Variants in FOXO1 observed in about 807,000 individuals in gnomAD.
FOXO1 encodes the protein forkhead box protein O1.
In FOXO1, 6 loss-of-function variants were observed where a neutral mutation model predicts 44.1. The ratio of observed to expected loss-of-function variants is 0.14; its 90% CI spans 0.07 to 0.27. The LOEUF is 0.27. Among genes scored for constraint, FOXO1 ranks in the 10% least tolerant of loss-of-function variants. The pLI is 1.00. For missense variants in FOXO1, 737 were observed against 888.8 expected, an observed-to-expected ratio of 0.83 and a Z score of 2.17; for synonymous variants, 380 against 362.7, an observed-to-expected ratio of 1.05 and a Z score of -0.54.
chr13:40,630,592 T>C (rs1593407348), intron 1 of FOXO1, among the ~76,000 whole-genome samples: 1 of 150,866 alleles, frequency 6.6e-6, no homozygotes. Flanking sequence ...GAGGTGGAGG[T>C]TGGGGTGGGC....
At position 40,560,070 on chromosome 13, in the gene FOXO1, T is replaced by C; in HGVS notation, c.1421A>G (p.Asn474Ser). 1.2e-6 allele frequency: 2 copies of C among 1,614,120 alleles called. No homozygotes were observed. The highest frequency in any genetic ancestry group is 1.7e-6 in the Non-Finnish European group (2 of 1,180,020). Residue 474 changes from asparagine (N) to serine (S), a missense_variant, in exon 2 of 3, where the codon AAT (asparagine) becomes AGT (serine). Asn to Ser is a conservative substitution (Grantham distance 46, BLOSUM62 1). This residue lies in a region of FOXO1 where 283 missense variants were observed against 278.1 expected (regional missense o/e 1.02). Coordinates refer to ENST00000379561, the MANE Select transcript of FOXO1 (RefSeq NM_002015.4). The surrounding 1 kb of genome is among the most constrained non-coding windows in gnomAD (Gnocchi z 5.1). ...AGGATCAACTGGTGTCATAATGTCA[T>C]TATGGGGAGGAGAGTCAGAAGTCAG... ...ELLTSDSPPHNDIMTPVDPGV... is the reference protein window; with the variant it reads ...ELLTSDSPPHSDIMTPVDPGV...
chr13:40,574,728 C>T (rs1874678408), intron 1 of FOXO1, among the ~76,000 whole-genome samples: 1 of 152,036 alleles, frequency 6.6e-6, no homozygotes, highest in South Asian at 2.1e-4. Flanking sequence ...TAGCTAAATT[C>T]TGACAGCCTA....
intron 1 of FOXO1, among the ~76,000 whole-genome samples, chr13:40,562,501 C>T (rs1874074828): frequency 6.6e-6 from 1 of 152,174 alleles, no homozygotes; most frequent in Non-Finnish European, 1.5e-5. Context: ...AGAGCCTTAT[C>T]AGGGTTGTTA....
chr13:40,601,660 C>A (rs1459472068), intron 1 of FOXO1, among the ~76,000 whole-genome samples: 1 of 152,160 alleles, frequency 6.6e-6, no homozygotes, highest in Non-Finnish European at 1.5e-5. Flanking sequence ...TGTTAAAATT[C>A]TCAGTGATTA....
At chr13:40,610,147 C>T (rs951857648) in intron 1 of FOXO1, among the ~76,000 whole-genome samples, 48 of 152,278 alleles carry the variant, frequency 3.2e-4, no homozygotes, top group African/African-American at 1.1e-3. Context: ...CTGCCACACC[C>T]TCACTCCTCA....
Position 40,557,224 on chromosome 13 carries a change from G to T in FOXO1, c.*1825C>A, listed in dbSNP as rs1223347940. On this transcript the variant is annotated 3_prime_UTR_variant, in exon 3 of 3. Transcript: ENST00000379561. ...TAGATCCTTCTCAAGAACACAAGAG[G>T]AACAGTGCTGTGCACCTGTTCTCTT... 1 of 152,218 alleles carries T rather than the reference G, an allele frequency of 6.6e-6. No individual in the cohort carries two copies. The highest frequency in any genetic ancestry group is 1.5e-5 in the Non-Finnish European group (1 of 68,050). The allele number at this position is 152,218 out of a possible 1,614,324, so 9.4% of individuals were successfully genotyped here. A position where few individuals can be genotyped will look rare whatever the true frequency, so the allele number is the denominator to read the frequency against.
rs924772599 is a variant in FOXO1, at chr13:40,660,990, A to C, written c.630+4593T>G. Among the ~76,000 whole-genome samples, 8 of 147,884 alleles carry C rather than the reference A, an allele frequency of 5.4e-5. No homozygotes were observed. In the South Asian group the frequency reaches 1.5e-3, roughly 28 times the overall value. Reference sequence around the variant, plus strand: ...ACAACAACAACAACAACAACAACAAAAATGAGAATCATTCAAAAAGAGGCC... The same window carrying C: ...ACAACAACAACAACAACAACAACAACAATGAGAATCATTCAAAAAGAGGCC... On this transcript the variant is annotated intron_variant, in intron 1 of 2. Coordinates refer to ENST00000379561, the MANE Select transcript of FOXO1 (RefSeq NM_002015.4).
chr13:40,651,080 T>C (rs1035646420), intron 1 of FOXO1, among the ~76,000 whole-genome samples: 1 of 129,412 alleles, frequency 7.7e-6, no homozygotes, highest in Non-Finnish European at 1.6e-5. Flanking sequence ...GCCTAGTTTT[T>C]TTGGTTTTTT....
intron 1 of FOXO1, among the ~76,000 whole-genome samples, chr13:40,661,439 G>A (rs910093447): frequency 6.6e-6 from 1 of 151,944 alleles, no homozygotes; most frequent in Non-Finnish European, 1.5e-5. Flanking sequence ...TGGGACTACA[G>A]GCACCTGCCA....
chr13:40,653,214 G>A (rs1019344228), intron 1 of FOXO1, among the ~76,000 whole-genome samples: 5 of 152,004 alleles, frequency 3.3e-5, no homozygotes, highest in African/African-American at 7.2e-5. Flanking sequence ...TGATCCACCC[G>A]CTTCAGCCTC....
chr13:40,640,805 C>CA (rs1593411099), intron 1 of FOXO1, among the ~76,000 whole-genome samples: 2 of 146,438 alleles, frequency 1.4e-5, no homozygotes, highest in African/African-American at 5.3e-5. Context: ...TTGTTTGAGA[C>CA]AGAGTTTTTG....
intron 1 of FOXO1, chr13:40,620,460 C>G (rs1381605467): frequency 1.6e-6 from 1 of 621,446 alleles, no homozygotes; most frequent in Non-Finnish European, 2.9e-6. Context: ...AGTGGCTCTT[C>G]GGTCAATCTT....
intron 1 of FOXO1, among the ~76,000 whole-genome samples, chr13:40,663,540 A>G (rs1878115490): frequency 6.6e-6 from 1 of 152,158 alleles, no homozygotes; most frequent in East Asian, 1.9e-4. Flanking sequence ...TTTTTTTTAA[A>G]TGGCTAATAC....
intron 1 of FOXO1, among the ~76,000 whole-genome samples, chr13:40,629,409 T>C (rs1032557701): frequency 6.6e-6 from 1 of 152,282 alleles, no homozygotes; most frequent in Non-Finnish European, 1.5e-5. Flanking sequence ...CCCAAGGTGC[T>C]GGGATTACAG....
intron 1 of FOXO1, among the ~76,000 whole-genome samples, chr13:40,561,339 G>A (rs1593378214): frequency 2.7e-5 from 3 of 109,704 alleles, no homozygotes. Flanking sequence ...GAGACAGAGT[G>A]AGACTCGATC....
At chr13:40,630,969 A>G (rs576944084) in intron 1 of FOXO1, among the ~76,000 whole-genome samples, 10 of 152,298 alleles carry the variant, frequency 6.6e-5, no homozygotes, top group Non-Finnish European at 8.8e-5. Context: ...GAGGCTTACT[A>G]AAGTTAGGGG....
Position 40,665,955 on chromosome 13 carries a change from C to A in FOXO1, c.258G>T (p.Ala86=), listed in dbSNP as rs933487619. 9.9e-5 allele frequency: 122 copies of A among 1,227,558 alleles called. No homozygotes were observed. The highest frequency in any genetic ancestry group is 1.2e-4 in the Non-Finnish European group (118 of 988,020). 76.0% of individuals were successfully genotyped at this position (1,227,558 alleles called of 1,614,324 possible). A position where few individuals can be genotyped will look rare whatever the true frequency, so the allele number is the denominator to read the frequency against. ...CCACCGCCGCCGCCACGGAGCCGGG[C>A]GCCTGCGGGAAGTCCTCGCTCTCCT... The part of the protein sequence containing the change: ...LLEESEDFPQ[A]PGSVAAAVAA... The change falls in exon 1 of 3, where the codon GCG becomes GCT. Residue 86 remains alanine, a synonymous_variant. Transcript: ENST00000379561.
intron 1 of FOXO1, among the ~76,000 whole-genome samples, chr13:40,585,733 T>C (rs989494116): frequency 2.6e-5 from 4 of 152,180 alleles, no homozygotes; most frequent in Non-Finnish European, 4.4e-5. Context: ...TCCAGGAAAG[T>C]GGACCCAGCA....
intron 1 of FOXO1, among the ~76,000 whole-genome samples, chr13:40,637,793 A>T (rs1320533701): frequency 1.3e-5 from 2 of 152,200 alleles, no homozygotes; most frequent in Non-Finnish European, 2.9e-5. Context: ...GCAGAACTCC[A>T]CCCAGGCAGT....
Sources: gnomAD v4.1 joint callset for allele counts (sites outside exome capture counted in the v4.1 genomes callset) on GRCh38, gnomAD v4.1.1 for gene constraint, gnomAD v4.1.1 regional missense constraint, Gnocchi (gnomAD v3.1) non-coding constraint, MANE v1.5 for transcripts, NCBI Gene and HGNC (gene_info 2026-07-23, HGNC 2026-07-21) for gene names.